Variants in XAB2 observed in about 807,000 individuals in gnomAD.
The protein encoded by XAB2 is XPA binding protein 2, also known as pre-mRNA-splicing factor SYF1.
XAB2 carries 57 observed loss-of-function variants against 113.4 expected under a neutral mutation model. The ratio of observed to expected loss-of-function variants is 0.50; its 90% CI spans 0.41 to 0.63. The LOEUF is 0.63. Among genes scored for constraint, XAB2 ranks in the 20% least tolerant of loss-of-function variants. The probability of loss-of-function intolerance (pLI) is 0.00; values close to 1 mark genes in which losing one functional copy is unlikely to be tolerated. For synonymous variants in XAB2, 497 were observed against 498.8 expected (o/e 1.00, Z 0.05); for missense variants, 1,037 against 1,233.3 (o/e 0.84, Z 2.38).
chr19:7,624,725 T>C lies in XAB2; in HGVS notation c.823-280A>G, dbSNP rs1357291647. Among the ~76,000 whole-genome samples the C allele has an allele frequency of 2.0e-5, 3 of 149,510 alleles. No homozygotes were observed. The highest frequency in any genetic ancestry group is 2.1e-4 in the South Asian group (1 of 4,836). ...GACCTCAGGGCTCGACTGAGACACATGTGTGAAGCACTTGGCACCCAATAG... is the reference window on the plus strand; with the variant it reads ...GACCTCAGGGCTCGACTGAGACACACGTGTGAAGCACTTGGCACCCAATAG... On this transcript the variant is annotated intron_variant, in intron 6 of 18. Transcript: ENST00000358368. This position sits in a 1 kb window ranked among gnomAD's most constrained non-coding sequence, Gnocchi z 4.2.
chr19:7,629,402 C>A (rs2031210615), intron 1 of XAB2, 75 bp downstream of exon 1: 1 of 1,537,520 alleles, frequency 6.5e-7, no homozygotes, highest in East Asian at 2.4e-5. Flanking sequence ...CCTTGCCGAC[C>A]CAGCCTCGAT....
rs1352399251 is a variant in XAB2 at position 7,627,829 on chromosome 19, G to C, written c.223C>G (p.Leu75Val). 1.2e-6 allele frequency: 2 copies of C among 1,613,998 alleles called. No homozygotes were observed. The highest frequency in any genetic ancestry group is 2.2e-5 in the East Asian group (1 of 44,876). The change falls in exon 3 of 19, where the codon CTG (leucine) becomes GTG (valine). Residue 75 changes from leucine to valine, a missense_variant. Transcript: ENST00000358368. This position sits in a 1 kb window ranked among gnomAD's most constrained non-coding sequence, Gnocchi z 4.5. ...TTCACCTGTGCCCGACGCGCCTTCA[G>C]GTATCGGTACCAGAGTTTGTAGCTG... ...PCSYKLWYRY[L>V]KARRAQVKHR...
At position 7,623,797 on chromosome 19, in the gene XAB2, G is replaced by A; in HGVS notation, c.1053C>T (p.Arg351=). Residue 351 remains arginine (R), a synonymous_variant, in exon 8 of 19, where the codon CGC becomes CGT. Coordinates refer to ENST00000358368, the MANE Select transcript of XAB2 (RefSeq NM_020196.3). The surrounding 1 kb of genome is among the most constrained non-coding windows in gnomAD (Gnocchi z 4.6). ...ACTCGTGCACGTGGTGTGGGTTTTG[G>A]CGCAGCAAGACGCTGTTGAGGAGCA... ...RPLLLNSVLL[R]QNPHHVHEWH... The A allele has an allele frequency of 1.2e-6, 2 of 1,612,230 alleles. No homozygotes were observed. Among genetic ancestry groups the A allele is most frequent in the Non-Finnish European group, 1.7e-6 (2 of 1,179,606 alleles).
intron 9 of XAB2, 73 bp from the exon 10 acceptor site, chr19:7,622,966 G>A (rs1599371462): frequency 1.9e-6 from 3 of 1,578,988 alleles, no homozygotes; most frequent in East Asian, 2.3e-5. Context: ...GGTCAGAAAG[G>A]TGACCATGCT....
At position 7,623,900 on chromosome 19, in the gene XAB2, G is replaced by A; in HGVS notation, c.968-18C>T. 1 of 1,540,864 alleles carries A rather than the reference G, an allele frequency of 6.5e-7. No individual in the cohort carries two copies. Among genetic ancestry groups the A allele is most frequent in the Non-Finnish European group, 8.7e-7 (1 of 1,146,740 alleles). On this transcript the variant is annotated intron_variant, in intron 7 of 18. Transcript: ENST00000358368. The surrounding 1 kb of genome is among the most constrained non-coding windows in gnomAD (Gnocchi z 4.6). The stretch of plus-strand genomic sequence containing the variant: ...CACATCATCTGGGAGCCGCGAACAT[G>A]TTTGTCAGGGGCGGAGACCCAGGAT...
chr19:7,621,918 T>C, intron 12 of XAB2: 1 of 214,906 alleles, frequency 4.7e-6, no homozygotes, highest in Non-Finnish European at 9.5e-6. Context: ...CCTCAAAACA[T>C]TCATATGCTC....
In XAB2 at chr19:7,627,615, C is replaced by T; in HGVS notation, c.324+113G>A. The T allele has an allele frequency of 1.3e-6, 2 of 1,549,212 alleles. No individual in the cohort carries two copies. Among genetic ancestry groups the T allele is most frequent in the Non-Finnish European group, 1.7e-6 (2 of 1,143,388 alleles). On this transcript the variant is annotated intron_variant, in intron 3 of 18. Coordinates refer to ENST00000358368, the MANE Select transcript of XAB2 (RefSeq NM_020196.3). This position sits in a 1 kb window ranked among gnomAD's most constrained non-coding sequence, Gnocchi z 4.5. Reference sequence around the variant, plus strand: ...CCCAACTTCCCATGCAAAGAAGCAACAGGAATCCAAGCCCCCATCCCTAAC... The same window carrying T: ...CCCAACTTCCCATGCAAAGAAGCAATAGGAATCCAAGCCCCCATCCCTAAC...
In XAB2 at chr19:7,623,581, C is replaced by T; in HGVS notation, c.1119+150G>A. 1 of 1,194,512 alleles carries T rather than the reference C, an allele frequency of 8.4e-7. No individual in the cohort carries two copies. Among genetic ancestry groups the T allele is most frequent in the Non-Finnish European group, 1.2e-6 (1 of 866,946 alleles). 74.0% of individuals were successfully genotyped at this position (1,194,512 alleles called of 1,614,324 possible). On this transcript the variant is annotated intron_variant, in intron 8 of 18. Transcript: ENST00000358368. The surrounding 1 kb of genome is among the most constrained non-coding windows in gnomAD (Gnocchi z 4.6). The stretch of plus-strand genomic sequence containing the variant: ...GTGGCTCTGAGGGGCGGGGCTCGGG[C>T]AGGAGGAGAACCCCAAGAACAGGGG...
At position 7,623,357 on chromosome 19, in the gene XAB2, TGGCTCTGAGGGGTGG is replaced by T; in HGVS notation, c.1120-83_1120-69del. 1 of 1,586,988 alleles carries T rather than the reference TGGCTCTGAGGGGTGG, an allele frequency of 6.3e-7. No homozygotes were observed. The highest frequency in any genetic ancestry group is 8.6e-7 in the Non-Finnish European group (1 of 1,165,196). On this transcript the variant is annotated intron_variant, in intron 8 of 18. Coordinates refer to ENST00000358368, the MANE Select transcript of XAB2 (RefSeq NM_020196.3). This position sits in a 1 kb window ranked among gnomAD's most constrained non-coding sequence, Gnocchi z 4.6. ...GCAGATGACGGTCGGGGCAGAGCTG[TGGCTCTGAGGGGTGG>T]GGCCTGGAGGGTGCTGTGGCCCCTG...
Position 7,625,900 on chromosome 19 carries a change from G to T in XAB2, c.802C>A (p.Arg268Ser), listed in dbSNP as rs766031691. 1 of 1,611,114 alleles carries T rather than the reference G, an allele frequency of 6.2e-7. No homozygotes were observed. The highest frequency in any genetic ancestry group is 8.5e-7 in the Non-Finnish European group (1 of 1,178,204). ...LWCSLADYYI[R>S]SGHFEKARDV... is the part of the protein sequence containing the mutation. ...TGCACCTTCTCGAAATGGCCGCTGCGGATGTAGTAGTCGGCGAGAGAACAC... is the reference window on the plus strand; with the variant it reads ...TGCACCTTCTCGAAATGGCCGCTGCTGATGTAGTAGTCGGCGAGAGAACAC... The change falls in exon 6 of 19, where the codon CGC becomes AGC. Residue 268 changes from arginine to serine, a missense_variant. Arg to Ser is a moderately radical substitution (Grantham distance 110, BLOSUM62 -1). Coordinates refer to ENST00000358368, the MANE Select transcript of XAB2 (RefSeq NM_020196.3). This position sits in a 1 kb window ranked among gnomAD's most constrained non-coding sequence, Gnocchi z 5.2.
In XAB2 at chr19:7,626,036, G is replaced by T; in HGVS notation, c.666C>A (p.His222Gln). The T allele has an allele frequency of 6.2e-7, 1 of 1,609,304 alleles. No individual in the cohort carries two copies. Among genetic ancestry groups the T allele is most frequent in the Non-Finnish European group, 8.5e-7 (1 of 1,176,366 alleles). The change falls in exon 6 of 19, where the codon CAC becomes CAA. Residue 222 changes from histidine (H) to glutamine (Q), a missense_variant. Physicochemically the swap from His to Gln is conservative, Grantham distance 24. Transcript: ENST00000358368. ...TCTGGGAGATGAGGTCGCACAGCTCGTGCCACAGCTGCAGGGCATGGGGCA... is the reference window on the plus strand; with the variant it reads ...TCTGGGAGATGAGGTCGCACAGCTCTTGCCACAGCTGCAGGGCATGGGGCA... ...KAGKSNYQLW[H>Q]ELCDLISQNP...
chr19:7,627,148 C>G lies in XAB2; in HGVS notation c.522+95G>C, dbSNP rs748349591. The G allele has an allele frequency of 7.1e-7, 1 of 1,400,886 alleles. No homozygotes were observed. The highest frequency in any genetic ancestry group is 9.8e-7 in the Non-Finnish European group (1 of 1,016,080). The allele number at this position is 1,400,886 out of a possible 1,614,324, so 86.8% of individuals were successfully genotyped here. A position where few individuals can be genotyped will look rare whatever the true frequency, so the allele number is the denominator to read the frequency against. On this transcript the variant is annotated intron_variant, in intron 4 of 18. Transcript: ENST00000358368. This position sits in a 1 kb window ranked among gnomAD's most constrained non-coding sequence, Gnocchi z 4.5. ...CATCTCCAGGAGCCTCTTCCCACAT[C>G]CCGTCTGCTGGGTGACATCCTACGC...
chr19:7,626,279 C>A lies in XAB2; in HGVS notation c.523-9G>T, dbSNP rs772954668. On this transcript the variant is annotated splice_polypyrimidine_tract_variant and intron_variant, in intron 4 of 18. Coordinates refer to ENST00000358368, the MANE Select transcript of XAB2 (RefSeq NM_020196.3). ...GCACTCTCAGGACTCAGCTGGGGAC[C>A]GAGCCACCCCTCAGGCAGTCAGTGG... The A allele has an allele frequency of 6.2e-7, 1 of 1,605,036 alleles. No individual in the cohort carries two copies. The highest frequency in any genetic ancestry group is 1.1e-5 in the South Asian group (1 of 91,026).
chr19:7,622,415 C>T lies in XAB2; in HGVS notation c.1533G>A (p.Leu511=), dbSNP rs1458244343. The part of the protein sequence containing the change: ...QSTKAVYDRI[L]DLRIATPQIV... Reference sequence around the variant, plus strand: ...TCTGGGGTGTTGCGATACGCAGGTCCAGGATGCGGTCGTACACGGCCTTGG... The same window carrying T: ...TCTGGGGTGTTGCGATACGCAGGTCTAGGATGCGGTCGTACACGGCCTTGG... Residue 511 remains leucine, a synonymous_variant, in exon 12 of 19, where the codon CTG becomes CTA. Coordinates refer to ENST00000358368, the MANE Select transcript of XAB2 (RefSeq NM_020196.3). 2.5e-6 allele frequency: 4 copies of T among 1,614,158 alleles called. No individual in the cohort carries two copies. The African/African-American group carries it at 4.0e-5, about 16-fold the overall frequency.
Position 7,627,754 on chromosome 19 carries a change from C to T in XAB2, c.298G>A (p.Glu100Lys). ...PAYEDVNNCH[E>K]RAFVFMHKMP... is the part of the protein sequence containing the mutation. The stretch of plus-strand genomic sequence containing the variant: ...TTGTGCATGAACACAAAGGCCCTCT[C>T]ATGACAGTTGTTGACATCTTCATAG... Residue 100 changes from glutamate (E) to lysine (K), a missense_variant, in exon 3 of 19, where the codon GAG becomes AAG. Physicochemically the swap from Glu to Lys is moderately conservative, Grantham distance 56. Coordinates refer to ENST00000358368, the MANE Select transcript of XAB2 (RefSeq NM_020196.3). The surrounding 1 kb of genome is among the most constrained non-coding windows in gnomAD (Gnocchi z 4.5). 1.2e-6 allele frequency: 2 copies of T among 1,614,110 alleles called. No individual in the cohort carries two copies. The highest frequency in any genetic ancestry group is 1.7e-6 in the Non-Finnish European group (2 of 1,180,026).
In XAB2 at chr19:7,628,102, C is replaced by G. The variant is rs2031179865; in HGVS notation, c.200+48G>C. 1.3e-6 allele frequency: 2 copies of G among 1,584,336 alleles called. No individual in the cohort carries two copies. The highest frequency in any genetic ancestry group is 1.3e-5 in the African/African-American group (1 of 74,390). On this transcript the variant is annotated intron_variant, in intron 2 of 18. Transcript: ENST00000358368. This position sits in a 1 kb window ranked among gnomAD's most constrained non-coding sequence, Gnocchi z 4.6. ...ACTTGGCAGTTTTGTTATAACTGGA[C>G]CAGGTGGGGTGGGGGCTGGTGGGCA...
rs1016594850 is a variant in XAB2 at position 7,629,420 on chromosome 19, G to T, written c.51+57C>A. 1.9e-6 allele frequency: 3 copies of T among 1,553,272 alleles called. No homozygotes were observed. In the African/African-American group the frequency reaches 4.1e-5, roughly 21 times the overall value. On this transcript the variant is annotated intron_variant, in intron 1 of 18. Coordinates refer to ENST00000358368, the MANE Select transcript of XAB2 (RefSeq NM_020196.3). ...TGCCGACCCAGCCTCGATCCCCTGC[G>T]GCGTCCAGGTCCCAATGCCCCAACG...
intron 4 of XAB2, 88 bp from the exon 5 acceptor site, chr19:7,626,358 C>CA: frequency 6.5e-7 from 1 of 1,544,732 alleles, no homozygotes; most frequent in African/African-American, 1.4e-5. Context: ...CGTCCCCCCC[C>CA]ACCCATTTAT....
Position 7,627,782 on chromosome 19 carries a change from A to G in XAB2, c.270T>C (p.Pro90=). 1 of 1,614,096 alleles carries G rather than the reference A, an allele frequency of 6.2e-7. No individual in the cohort carries two copies. Among genetic ancestry groups the G allele is most frequent in the East Asian group, 2.2e-5 (1 of 44,884 alleles). ...GACAGTTGTTGACATCTTCATAGGC[A>G]GGGTCGGTCACACAGCGATGCTTCA... ...AQVKHRCVTD[P]AYEDVNNCHE... Residue 90 remains proline, a synonymous_variant, in exon 3 of 19, where the codon CCT becomes CCC. Transcript: ENST00000358368. This position sits in a 1 kb window ranked among gnomAD's most constrained non-coding sequence, Gnocchi z 4.5.
Sources: allele counts gnomAD v4.1 joint callset (sites outside exome capture counted in the v4.1 genomes callset), GRCh38; gene constraint gnomAD v4.1.1; non-coding constraint Gnocchi (gnomAD v3.1); transcripts MANE v1.5; gene names NCBI Gene and HGNC (gene_info 2026-07-23, HGNC 2026-07-21).